Variants in DOHH observed in about 807,000 individuals in gnomAD.
The protein encoded by DOHH is HEAT-like (PBS lyase) repeat containing 1.
In DOHH, 16 loss-of-function variants were observed where a neutral mutation model predicts 19.9. The ratio of observed to expected loss-of-function variants is 0.80; its 90% CI spans 0.54 to 1.22. The LOEUF (loss-of-function observed/expected upper bound fraction) is 1.22, where lower values mean the gene tolerates loss of function less well. Among genes scored for constraint, DOHH ranks in the 50% most tolerant of loss-of-function variants. DOHH has a pLI of 0.00. For missense variants in DOHH, 460 were observed against 460.6 expected (o/e 1.00, Z 0.01); for synonymous variants, 233 against 217.0 (o/e 1.07, Z -0.65).
Position 3,492,519 on chromosome 19 carries a change from GGCAGCGGGTTGGCCCTGGGGGGTC to G in DOHH, c.352-44_352-21del. ...GGCCACCTGCGGGGAGGGGGTATCA[GGCAGCGGGTTGGCCCTGGGGGGTC>G]GCAGGGGCCCTTCCCCACCCCCCGG... On this transcript the variant is annotated intron_variant, in intron 3 of 4. Transcript: ENST00000427575. 7.3e-7 allele frequency: 1 copy of G among 1,372,862 alleles called. No individual in the cohort carries two copies. The highest frequency in any genetic ancestry group is 9.3e-7 in the Non-Finnish European group (1 of 1,069,832). The allele number at this position is 1,372,862 out of a possible 1,614,324, so 85.0% of individuals were successfully genotyped here.
In DOHH at chr19:3,492,419, G is replaced by A. The variant is rs1308838180; in HGVS notation, c.432C>T (p.Tyr144=). ...QHGGEPAAGP[Y]LSVDPAPPAE... is the part of the protein sequence containing the mutation. Reference sequence around the variant, plus strand: ...CCGGCGGGGCAGGGTCCACGGAGAGGTAGGGTCCCGCCGCCGGCTCCCCGC... The same window carrying A: ...CCGGCGGGGCAGGGTCCACGGAGAGATAGGGTCCCGCCGCCGGCTCCCCGC... Residue 144 remains tyrosine, a synonymous_variant, in exon 4 of 5, where the codon TAC becomes TAT. Coordinates refer to ENST00000427575, the MANE Select transcript of DOHH (RefSeq NM_001145165.2). 5 of 1,506,198 alleles carry A rather than the reference G, an allele frequency of 3.3e-6. No homozygotes were observed. In the African/African-American group the frequency reaches 7.1e-5, roughly 21 times the overall value. The allele number at this position is 1,506,198 out of a possible 1,614,324, so 93.3% of individuals were successfully genotyped here.
rs184139965 is a variant in DOHH at position 3,496,337 on chromosome 19, C to A, written c.274+204G>T. Among the ~76,000 whole-genome samples, 1 of 152,330 alleles carries A rather than the reference C, an allele frequency of 6.6e-6. No homozygotes were observed. The highest frequency in any genetic ancestry group is 1.5e-5 in the Non-Finnish European group (1 of 68,030). On this transcript the variant is annotated intron_variant, in intron 2 of 4. Coordinates refer to ENST00000427575, the MANE Select transcript of DOHH (RefSeq NM_001145165.2). This position sits in a 1 kb window ranked among gnomAD's most constrained non-coding sequence, Gnocchi z 4.8. ...CAGTTGAGGTTGTCTGGGCACACAG[C>A]CTTAGCCATTTGGTGACAGATGACC...
chr19:3,497,536 C>A (rs765580216), intron 1 of DOHH, among the ~76,000 whole-genome samples: 1 of 152,208 alleles, frequency 6.6e-6, no homozygotes, highest in Non-Finnish European at 1.5e-5. Context: ...TGAGGCCTTA[C>A]CAGAGGCCAG....
In DOHH at chr19:3,491,349, CGGA is replaced by C. The variant is rs2082867729; in HGVS notation, c.*140_*142del. The C allele has an allele frequency of 1.0e-5, 9 of 882,804 alleles. No individual in the cohort carries two copies. Among genetic ancestry groups the C allele is most frequent in the South Asian group, 5.1e-5 (3 of 58,874 alleles). 54.7% of individuals were successfully genotyped at this position (882,804 alleles called of 1,614,324 possible). On this transcript the variant is annotated 3_prime_UTR_variant, in exon 5 of 5. Coordinates refer to ENST00000427575, the MANE Select transcript of DOHH (RefSeq NM_001145165.2). The surrounding 1 kb of genome is among the most constrained non-coding windows in gnomAD (Gnocchi z 5.6). ...ACAACGGCAGCTCCTCGGTCCCAGA[CGGA>C]GGAGGGGGACAGCAACCATGCGCCC...
intron 2 of DOHH, among the ~76,000 whole-genome samples, chr19:3,494,519 A>C (rs2082894482): frequency 6.6e-6 from 1 of 152,036 alleles, no homozygotes; most frequent in African/African-American, 2.4e-5. Context: ...AAAAACAAAC[A>C]AAAAAAATTC....
intron 1 of DOHH, among the ~76,000 whole-genome samples, chr19:3,497,432 C>T (rs1337231006): frequency 6.6e-6 from 1 of 152,146 alleles, no homozygotes; most frequent in African/African-American, 2.4e-5. Flanking sequence ...AAACTGAGCC[C>T]TCCCACCAAC....
chr19:3,492,560 A>AC (rs2082879316), intron 3 of DOHH, 61 bp from the exon 4 acceptor site: 5 of 1,270,570 alleles, frequency 3.9e-6, no homozygotes, highest in East Asian at 6.3e-5. Flanking sequence ...GCCCTTCCCC[A>AC]CCCCCCGGGA....
chr19:3,494,565 G>C (rs374366933), intron 2 of DOHH, among the ~76,000 whole-genome samples: 8 of 152,240 alleles, frequency 5.3e-5, no homozygotes, highest in African/African-American at 1.2e-4. Context: ...GGAGACTCCA[G>C]AATTTGGGGC....
At position 3,496,064 on chromosome 19, in the gene DOHH, T is replaced by C. The variant is rs1233037691; in HGVS notation, c.274+477A>G. Reference sequence around the variant, plus strand: ...TCTCACTCTGTTGCCCAGGCTGGAGTGCGGTGGCACGATCATGGCTCACTG... The same window carrying C: ...TCTCACTCTGTTGCCCAGGCTGGAGCGCGGTGGCACGATCATGGCTCACTG... On this transcript the variant is annotated intron_variant, in intron 2 of 4. Transcript: ENST00000427575. This position sits in a 1 kb window ranked among gnomAD's most constrained non-coding sequence, Gnocchi z 4.8. Among the ~76,000 whole-genome samples, 1 of 152,082 alleles carries C rather than the reference T, an allele frequency of 6.6e-6. No homozygotes were observed. The highest frequency in any genetic ancestry group is 1.5e-5 in the Non-Finnish European group (1 of 68,010).
chr19:3,498,294 C>T (rs2082924713), intron 1 of DOHH, among the ~76,000 whole-genome samples: 1 of 152,126 alleles, frequency 6.6e-6, no homozygotes, highest in African/African-American at 2.4e-5. Flanking sequence ...TTAAGTTAAA[C>T]ATTAAAAGCT....
At chr19:3,499,420 G>C (rs2082932867) in intron 1 of DOHH, among the ~76,000 whole-genome samples, 1 of 152,198 alleles carries the variant, frequency 6.6e-6, no homozygotes, top group Non-Finnish European at 1.5e-5. Context: ...AGTCTATCTT[G>C]GTCACTGTTG....
chr19:3,491,874 G>C lies in DOHH; in HGVS notation c.590-63C>G. On this transcript the variant is annotated intron_variant, in intron 4 of 4. Coordinates refer to ENST00000427575, the MANE Select transcript of DOHH (RefSeq NM_001145165.2). The surrounding 1 kb of genome is among the most constrained non-coding windows in gnomAD (Gnocchi z 5.6). ...GTGGGAAGGGGAGCTCTGTCTTTTC[G>C]AAGACATGGGGTCTTGCTATCTTGC... is the stretch of plus-strand genomic sequence containing the variant. The C allele has an allele frequency of 7.3e-7, 1 of 1,363,590 alleles. No individual in the cohort carries two copies. Among genetic ancestry groups the C allele is most frequent in the Non-Finnish European group, 9.6e-7 (1 of 1,044,032 alleles). The allele number at this position is 1,363,590 out of a possible 1,614,324, so 84.5% of individuals were successfully genotyped here.
intron 2 of DOHH, among the ~76,000 whole-genome samples, chr19:3,495,631 G>T (rs61318746): frequency 0.081 from 12,301 of 152,180 alleles, 1,735 homozygotes; most frequent in African/African-American, 0.28. Flanking sequence ...GGTTTAAGGC[G>T]GGGTGCGATG....
chr19:3,491,341 G>T lies in DOHH; in HGVS notation c.*151C>A. On this transcript the variant is annotated 3_prime_UTR_variant, in exon 5 of 5. Transcript: ENST00000427575. This position sits in a 1 kb window ranked among gnomAD's most constrained non-coding sequence, Gnocchi z 5.6. ...GTCACAGCACAACGGCAGCTCCTCG[G>T]TCCCAGACGGAGGAGGGGGACAGCA... 2.4e-6 allele frequency: 2 copies of T among 822,528 alleles called. No individual in the cohort carries two copies. Among genetic ancestry groups the T allele is most frequent in the Non-Finnish European group, 3.7e-6 (2 of 537,880 alleles). 51.0% of individuals were successfully genotyped at this position (822,528 alleles called of 1,614,324 possible).
At chr19:3,495,272 C>G (rs1440878044) in intron 2 of DOHH, among the ~76,000 whole-genome samples, 2 of 152,098 alleles carry the variant, frequency 1.3e-5, no homozygotes. Context: ...CCAATGCACC[C>G]GACCTGAACA....
In DOHH at chr19:3,492,272, C is replaced by A. The variant is rs943078444; in HGVS notation, c.579G>T (p.Ala193=). 18 of 1,475,210 alleles carry A rather than the reference C, an allele frequency of 1.2e-5. No individual in the cohort carries two copies. The highest frequency in any genetic ancestry group is 1.6e-5 in the Non-Finnish European group (18 of 1,123,168). 91.4% of individuals were successfully genotyped at this position (1,475,210 alleles called of 1,614,324 possible). Residue 193 remains alanine, a synonymous_variant, in exon 4 of 5, where the codon GCG becomes GCT. Coordinates refer to ENST00000427575, the MANE Select transcript of DOHH (RefSeq NM_001145165.2). Reference sequence around the variant, plus strand: ...GAAGCCCCTCCTCACCCTCGGCCAGCGCCAGGGCGGCCTCCTCGCCTCCCG... The same window carrying A: ...GAAGCCCCTCCTCACCCTCGGCCAGAGCCAGGGCGGCCTCCTCGCCTCCCG... The part of the protein sequence containing the change: ...RNAGGEEAAL[A]LAEGLHCGSA...
intron 2 of DOHH, among the ~76,000 whole-genome samples, chr19:3,495,183 G>A (rs1312568848): frequency 2.0e-5 from 3 of 151,764 alleles, no homozygotes; most frequent in Non-Finnish European, 4.4e-5. Context: ...CACCATGTTG[G>A]CCAGGCTAGT....
intron 1 of DOHH, among the ~76,000 whole-genome samples, chr19:3,498,566 C>T (rs946327285): frequency 6.6e-6 from 1 of 152,174 alleles, no homozygotes; most frequent in South Asian, 2.1e-4. Flanking sequence ...CCACCATGCC[C>T]GGCTAATTTT....
In DOHH at chr19:3,496,186, AT is replaced by A. The variant is rs2082906240; in HGVS notation, c.274+354del. On this transcript the variant is annotated intron_variant, in intron 2 of 4. Coordinates refer to ENST00000427575, the MANE Select transcript of DOHH (RefSeq NM_001145165.2). The surrounding 1 kb of genome is among the most constrained non-coding windows in gnomAD (Gnocchi z 4.8). ...GCCACCATGCCTGGCTAATTTTTGT[AT>A]TTTTTCTAGAGACAGGGTTTTGCCA... Among the ~76,000 whole-genome samples the A allele has an allele frequency of 6.6e-6, 1 of 151,506 alleles. No individual in the cohort carries two copies.
Sources: allele counts gnomAD v4.1 joint callset (sites outside exome capture counted in the v4.1 genomes callset), GRCh38; gene constraint gnomAD v4.1.1; non-coding constraint Gnocchi (gnomAD v3.1); transcripts MANE v1.5; gene names NCBI Gene and HGNC (gene_info 2026-07-23, HGNC 2026-07-21).